The following KCTD2 variants were observed in gnomAD, a reference collection of about 807,000 sequenced individuals.
The protein encoded by KCTD2 is BTB/POZ domain-containing protein KCTD2.
A neutral mutation model predicts 27.9 loss-of-function variants in KCTD2; 18 were observed. The observed-to-expected ratio is 0.64, with a 90% CI of 0.45 to 0.96. KCTD2 has a LOEUF of 0.96. KCTD2 is among the 40% of genes least tolerant of loss of function. The pLI is 0.00. For synonymous variants in KCTD2, 175 were observed against 148.4 expected, an observed-to-expected ratio of 1.18 and a Z score of -1.30; for missense variants, 280 against 348.0, an observed-to-expected ratio of 0.80 and a Z score of 1.56.
intron 2 of KCTD2, chr17:75,035,155 A>G (rs1394202194): frequency 2.0e-5 from 3 of 152,082 alleles, no homozygotes; most frequent in African/African-American, 4.8e-5. Flanking sequence ...TTCGGATCAG[A>G]AGATTGAGGG....
At chr17:75,042,676 A>AT (rs2073173071), upstream of KCTD2, 3 of 1,588,974 alleles carry the variant, frequency 1.9e-6, no homozygotes, top group South Asian at 3.5e-5. Flanking sequence ...AATAAGTCAA[A>AT]TAAAAACAAG....
intron 3 of KCTD2, among the ~76,000 whole-genome samples, chr17:75,053,342 G>A (rs9906330): frequency 0.6 from 91,807 of 152,028 alleles, 29,545 homozygotes; most frequent in East Asian, 0.84. Context: ...ACCAGATGGC[G>A]GGAGGAGGCG....
upstream of KCTD2, among the ~76,000 whole-genome samples, chr17:75,045,540 TTC>T (rs2073205880): frequency 6.6e-6 from 1 of 152,246 alleles, no homozygotes; most frequent in Non-Finnish European, 1.5e-5. Context: ...TAGGTGCGCA[TTC>T]TCTTTCTCAG....
At chr17:75,059,224 C>G (rs565527938) in intron 3 of KCTD2, 5 of 221,268 alleles carry the variant, frequency 2.3e-5, no homozygotes, top group Non-Finnish European at 4.4e-5. Flanking sequence ...CTCTGAAGTT[C>G]AGAATTATTT....
chr17:75,040,111 T>C, intron 3 of KCTD2: 1 of 1,613,272 alleles, frequency 6.2e-7, no homozygotes, highest in Non-Finnish European at 8.5e-7. Context: ...TTCTTCGGCA[T>C]CCACCTGGGC....
intron 5 of KCTD2, 64 bp from the exon 6 acceptor site, chr17:75,062,954 C>T (rs2073419572): frequency 1.3e-6 from 2 of 1,558,494 alleles, no homozygotes; most frequent in Non-Finnish European, 1.8e-6. Context: ...CAGTGGAAAG[C>T]ATCCCCCGAC....
upstream of KCTD2, among the ~76,000 whole-genome samples, chr17:75,042,880 C>CA (rs951161503): frequency 1.1e-4 from 17 of 148,746 alleles, no homozygotes; most frequent in Admixed American, 6.7e-4. Context: ...GACTCCAACT[C>CA]AAAAAAAAAG....
intron 4 of KCTD2, chr17:75,060,402 T>C (rs2073392241): frequency 5.2e-6 from 8 of 1,549,646 alleles, no homozygotes; most frequent in East Asian, 4.5e-5. Flanking sequence ...CTGCCACTTA[T>C]TAACTGGTTC....
At chr17:75,048,024 C>T (rs1046561035) in intron 1 of KCTD2, among the ~76,000 whole-genome samples, 2 of 152,232 alleles carry the variant, frequency 1.3e-5, no homozygotes, top group African/African-American at 4.8e-5. Context: ...CAGACTCCCT[C>T]TCGGACCCCT....
At chr17:75,053,858 CTTTTT>C (rs71159419) in intron 3 of KCTD2, among the ~76,000 whole-genome samples, 4 of 59,322 alleles carry the variant, frequency 6.7e-5, no homozygotes, top group Admixed American at 4.0e-4. Flanking sequence ...GTGAACCATG[CTTTTT>C]TTTTTTTTTT....
At chr17:75,052,079 A>T (rs1474044749) in intron 2 of KCTD2, among the ~76,000 whole-genome samples, 3 of 152,174 alleles carry the variant, frequency 2.0e-5, no homozygotes, top group Non-Finnish European at 4.4e-5. Context: ...GAGGTGTCCA[A>T]CATGACTAGT....
upstream of KCTD2, among the ~76,000 whole-genome samples, chr17:75,042,946 C>T (rs1291258454): frequency 6.6e-6 from 1 of 152,134 alleles, no homozygotes; most frequent in African/African-American, 2.4e-5. Context: ...TGCGGCCAGG[C>T]GCAGTGGGCT....
chr17:75,051,044 G>A (rs2073279054), intron 2 of KCTD2, among the ~76,000 whole-genome samples: 2 of 150,866 alleles, frequency 1.3e-5, no homozygotes, highest in South Asian at 4.2e-4. Context: ...CGCAATCTCG[G>A]CTCACTGCAA....
intron 3 of KCTD2, among the ~76,000 whole-genome samples, chr17:75,036,487 A>G (rs1421434702): frequency 6.6e-6 from 1 of 152,252 alleles, no homozygotes; most frequent in Non-Finnish European, 1.5e-5. Flanking sequence ...CCAAGAGGGC[A>G]TAAAAAATAA....
chr17:75,053,676 C>A (rs969834458), intron 3 of KCTD2, among the ~76,000 whole-genome samples: 18 of 151,990 alleles, frequency 1.2e-4, no homozygotes, highest in African/African-American at 4.3e-4. Flanking sequence ...CTCCCGACCT[C>A]AGGTGATCTG....
intron 4 of KCTD2, 87 bp from the exon 5 acceptor site, chr17:75,062,032 TC>T: frequency 6.8e-7 from 1 of 1,479,710 alleles, no homozygotes; most frequent in Non-Finnish European, 9.3e-7. Flanking sequence ...ACTTAAAAGT[TC>T]AGTCGGAAGA....
intron 3 of KCTD2, among the ~76,000 whole-genome samples, chr17:75,037,723 T>C (rs1340719794): frequency 6.6e-6 from 1 of 152,164 alleles, no homozygotes; most frequent in Non-Finnish European, 1.5e-5. Context: ...CCATAGTAAA[T>C]AGTGGGGATT....
At chr17:75,035,111 G>A (rs112410973) in intron 2 of KCTD2, 2 of 152,188 alleles carry the variant, frequency 1.3e-5, no homozygotes, top group Admixed American at 6.5e-5. Flanking sequence ...GCTGCAGCCG[G>A]AGACCGCGTG....
chr17:75,050,443 A>G (rs968935851), intron 2 of KCTD2, among the ~76,000 whole-genome samples: 2 of 152,058 alleles, frequency 1.3e-5, no homozygotes, highest in East Asian at 1.9e-4. Flanking sequence ...TTGTATTTTT[A>G]GTAGAGACAG....
Sources: gnomAD v4.1 joint callset for allele counts (sites outside exome capture counted in the v4.1 genomes callset) on GRCh38, gnomAD v4.1.1 for gene constraint, MANE v1.5 for transcripts, NCBI Gene and HGNC (gene_info 2026-07-23, HGNC 2026-07-21) for gene names.